The following IL13RA1 variants were observed in gnomAD, a reference collection of about 807,000 sequenced individuals.
IL13RA1 encodes interleukin-13 receptor subunit alpha-1.
Under a neutral mutation model 33.8 loss-of-function variants are expected in IL13RA1, and 14 were observed. The observed-to-expected ratio is 0.41, with a 90% CI of 0.27 to 0.65. The LOEUF is 0.65. IL13RA1 is among the 30% of genes least tolerant of loss of function. The pLI, the probability that IL13RA1 is intolerant of heterozygous loss-of-function variation, is 0.28. For synonymous variants in IL13RA1, 116 were observed against 115.7 expected (o/e 1.00, Z -0.02); for missense variants, 313 against 327.0 (o/e 0.96, Z 0.33).
At chrX:118,747,784 T>C (rs1375607557) in intron 3 of IL13RA1, among the ~76,000 whole-genome samples, 1 of 110,140 alleles carries the variant, frequency 9.1e-6, no homozygotes, top group Non-Finnish European at 1.9e-5. Context: ...ATATACTGAT[T>C]AAGAGCAGGG....
intron 1 of IL13RA1, among the ~76,000 whole-genome samples, chrX:118,734,116 A>G (rs926495262): frequency 1.8e-5 from 2 of 111,584 alleles, no homozygotes; most frequent in African/African-American, 3.3e-5. Flanking sequence ...ATTTCATAAG[A>G]ATTTTAGGAT....
downstream of IL13RA1, among the ~76,000 whole-genome samples, chrX:118,798,800 C>T (rs899208330): frequency 8.9e-6 from 1 of 112,739 alleles, no homozygotes; most frequent in Non-Finnish European, 1.9e-5. Context: ...GCTGGCAGTC[C>T]TCACAGCCCT....
chrX:118,800,029 G>A, the IL13RA1 span, among the ~76,000 whole-genome samples: 21 of 108,785 alleles, frequency 1.9e-4, no homozygotes, highest in Non-Finnish European at 2.9e-4. Flanking sequence ...AGGTTTGTGA[G>A]TGCACCAATT....
intron 10 of IL13RA1, among the ~76,000 whole-genome samples, chrX:118,789,805 T>C (rs2017957732): frequency 9.0e-6 from 1 of 111,324 alleles, no homozygotes; most frequent in Non-Finnish European, 1.9e-5. Context: ...TTTTTTAACA[T>C]TGAGATCTTT....
intron 10 of IL13RA1, among the ~76,000 whole-genome samples, chrX:118,782,329 C>CTT (rs770843882): frequency 0.17 from 18,469 of 110,409 alleles, 1,446 homozygotes; most frequent in East Asian, 0.43. Flanking sequence ...CTTGCCTCAG[C>CTT]CTCCCAAAGT....
intron 10 of IL13RA1, among the ~76,000 whole-genome samples, chrX:118,776,991 GTGTGTGTATA>G (rs1413159935): frequency 5.9e-4 from 6 of 10,241 alleles, no homozygotes; most frequent in South Asian, 9.8e-3. Context: ...GTGTATATGT[GTGTGTGTATA>G]TATATATATA....
At chrX:118,770,699 G>C (rs769376074) in intron 8 of IL13RA1, 12 of 372,190 alleles carry the variant, frequency 3.2e-5, no homozygotes, top group South Asian at 3.1e-4. Context: ...CACAGGCTCC[G>C]CATCTTCAGC....
chrX:118,776,410 T>C lies in IL13RA1; in HGVS notation c.1107-17T>C. ...TGGACTGGAAGGTTTGAATCAAATG[T>C]CTCTGTTTTCTTAAAGGCTCAAGAT... On this transcript the variant is annotated splice_polypyrimidine_tract_variant and intron_variant, in intron 9 of 10. Transcript: ENST00000371666. 1 of 728,673 alleles carries C rather than the reference T, an allele frequency of 1.4e-6. No homozygotes were observed. The highest frequency in any genetic ancestry group is 2.2e-6 in the Non-Finnish European group (1 of 461,497). 60.1% of individuals were successfully genotyped at this position (728,673 alleles called of 1,213,427 possible).
At chrX:118,778,845 G>A (rs764971039) in intron 10 of IL13RA1, among the ~76,000 whole-genome samples, 7 of 111,872 alleles carry the variant, frequency 6.3e-5, no homozygotes, top group Non-Finnish European at 1.1e-4. Flanking sequence ...GATGCTGTTG[G>A]TATTATTTTA....
intron 1 of IL13RA1, among the ~76,000 whole-genome samples, chrX:118,733,005 T>C (rs1013802393): frequency 8.9e-6 from 1 of 112,610 alleles, no homozygotes; most frequent in African/African-American, 3.2e-5. Context: ...CTGACTAATA[T>C]TCCATTGTAT....
intron 10 of IL13RA1, among the ~76,000 whole-genome samples, chrX:118,780,258 A>G (rs1205688889): frequency 8.9e-6 from 1 of 112,599 alleles, no homozygotes; most frequent in Admixed American, 9.4e-5. Context: ...GCATCATTGA[A>G]TTATTGAATG....
downstream of IL13RA1, among the ~76,000 whole-genome samples, chrX:118,798,296 GT>G (rs2018042989): frequency 9.9e-6 from 1 of 100,813 alleles, no homozygotes. Flanking sequence ...ATATTTTTTT[GT>G]TTTTTTCCCC....
chrX:118,783,048 C>A (rs1257432731), intron 10 of IL13RA1, among the ~76,000 whole-genome samples: 1 of 111,988 alleles, frequency 8.9e-6, no homozygotes, highest in Non-Finnish European at 1.9e-5. Context: ...AGTGTTTTTG[C>A]ATGGGGCTAA....
chrX:118,777,638 T>TGGAAGG lies in IL13RA1; in HGVS notation c.1191+1128_1191+1133dup, dbSNP rs1387491743. ...AATGCATTGTGTTCATGTTGTTTCT[T>TGGAAGG]GGAAGGCTAGACTCCAAAGATATAG... On this transcript the variant is annotated intron_variant, in intron 10 of 10. Transcript: ENST00000371666. Among the ~76,000 whole-genome samples, 5 of 111,510 alleles carry TGGAAGG rather than the reference T, an allele frequency of 4.5e-5. No individual in the cohort carries two copies. In the Admixed American group the frequency reaches 4.8e-4, roughly 11 times the overall value.
intron 8 of IL13RA1, among the ~76,000 whole-genome samples, chrX:118,771,389 A>T (rs1298610665): frequency 8.9e-6 from 1 of 112,432 alleles, no homozygotes; most frequent in Non-Finnish European, 1.9e-5. Flanking sequence ...CATATTTGTT[A>T]AATATGCAGA....
chrX:118,793,718 T>C lies in IL13RA1; in HGVS notation c.*1864T>C, dbSNP rs967168924. Reference sequence around the variant, plus strand: ...TTAATACAATGATGCTATTTGCAATTCCTGCTCCTAGGGGAGGGGAGATAA... The same window carrying C: ...TTAATACAATGATGCTATTTGCAATCCCTGCTCCTAGGGGAGGGGAGATAA... On this transcript the variant is annotated 3_prime_UTR_variant, in exon 11 of 11. Coordinates refer to ENST00000371666, the MANE Select transcript of IL13RA1 (RefSeq NM_001560.3). 8.9e-6 allele frequency: 1 copy of C among 112,183 alleles called. No individual in the cohort carries two copies. The highest frequency in any genetic ancestry group is 3.2e-5 in the African/African-American group (1 of 30,851). The allele number at this position is 112,183 out of a possible 1,213,427, so 9.2% of individuals were successfully genotyped here. A position where few individuals can be genotyped will look rare whatever the true frequency, so the allele number is the denominator to read the frequency against.
rs768932121 is a variant in IL13RA1, at chrX:118,747,052, G to T, written c.327G>T (p.Lys109Asn). Reference sequence around the variant, plus strand: ...AGTGTAGCACCAATGAGAGTGAGAAGCCTAGCATTTTGGTTGAAAAATGCA... The same window carrying T: ...AGTGTAGCACCAATGAGAGTGAGAATCCTAGCATTTTGGTTGAAAAATGCA... The part of the protein sequence containing the change: ...GSQCSTNESE[K>N]PSILVEKCIS... The change falls in exon 3 of 11, where the codon AAG becomes AAT. Residue 109 changes from lysine to asparagine, a missense_variant. Physicochemically the swap from Lys to Asn is moderately conservative, Grantham distance 94 (BLOSUM62 0). Coordinates refer to ENST00000371666, the MANE Select transcript of IL13RA1 (RefSeq NM_001560.3). The T allele has an allele frequency of 1.7e-6, 2 of 1,168,771 alleles. No individual in the cohort carries two copies. The highest frequency in any genetic ancestry group is 1.8e-5 in the South Asian group (1 of 54,713).
chrX:118,788,802 G>T (rs187868000), intron 10 of IL13RA1, among the ~76,000 whole-genome samples: 223 of 111,662 alleles, frequency 2.0e-3, no homozygotes, highest in African/African-American at 7.1e-3. Context: ...AGGATAAATT[G>T]TTACAAGCCA....
At chrX:118,800,533 G>A in the IL13RA1 span, among the ~76,000 whole-genome samples, 1 of 110,724 alleles carries the variant, frequency 9.0e-6, no homozygotes, top group Admixed American at 9.6e-5. Context: ...GAAGAAACTC[G>A]GAACACATCT....
Sources: gnomAD v4.1 joint callset for allele counts (sites outside exome capture counted in the v4.1 genomes callset) on GRCh38, gnomAD v4.1.1 for gene constraint, MANE v1.5 for transcripts, NCBI Gene and HGNC (gene_info 2026-07-23, HGNC 2026-07-21) for gene names.